Variants in MTA3 observed in about 807,000 individuals in gnomAD.
The protein encoded by MTA3 is metastasis-associated protein MTA3.
Under a neutral mutation model 83.5 loss-of-function variants are expected in MTA3, and 34 were observed. The ratio of observed to expected loss-of-function variants is 0.41; its 90% CI spans 0.31 to 0.54. The LOEUF (loss-of-function observed/expected upper bound fraction) is 0.54, where lower values mean the gene tolerates loss of function less well. Ranked by LOEUF, MTA3 falls within the 20% of genes least tolerant of loss-of-function variation. The pLI is 0.33. For synonymous variants in MTA3, 303 were observed against 252.7 expected (o/e 1.20, Z -1.89); for missense variants, 761 against 726.4 (o/e 1.05, Z -0.55).
At chr2:42,723,359 G>T in intron 16 of MTA3, 2 of 235,114 alleles carry the variant, frequency 8.5e-6, no homozygotes, top group Non-Finnish European at 1.7e-5. Flanking sequence ...GTTTTCTTGA[G>T]CAGAAGGGAT....
chr2:42,734,562 T>C (rs1668480734), intron 16 of MTA3, among the ~76,000 whole-genome samples: 1 of 151,652 alleles, frequency 6.6e-6, no homozygotes, highest in South Asian at 2.1e-4. Flanking sequence ...TTATTGTTGA[T>C]AAGTAATGAC....
At chr2:42,550,957 A>G (rs1677077822) in intron 2 of MTA3, among the ~76,000 whole-genome samples, 1 of 151,944 alleles carries the variant, frequency 6.6e-6, no homozygotes, top group Admixed American at 6.6e-5. Context: ...AGGCTGAGAC[A>G]GGAGAATAGC....
intron 5 of MTA3, among the ~76,000 whole-genome samples, chr2:42,641,454 T>C (rs1358989133): frequency 1.3e-5 from 2 of 152,158 alleles, no homozygotes; most frequent in Non-Finnish European, 2.9e-5. Context: ...CACAGAATGA[T>C]GGATTATAAT....
intron 16 of MTA3, among the ~76,000 whole-genome samples, chr2:42,738,832 G>C (rs999624792): frequency 6.6e-6 from 1 of 152,192 alleles, no homozygotes; most frequent in African/African-American, 2.4e-5. Flanking sequence ...TGAGACTGCA[G>C]GGGTGAAATA....
chr2:42,576,783 G>A (rs919599140), intron 2 of MTA3, among the ~76,000 whole-genome samples: 4 of 152,170 alleles, frequency 2.6e-5, no homozygotes, highest in African/African-American at 7.2e-5. Context: ...TGTAATCCCA[G>A]CTACTCGGGA....
chr2:42,642,169 A>G (rs756172184), intron 5 of MTA3, among the ~76,000 whole-genome samples: 2 of 152,112 alleles, frequency 1.3e-5, no homozygotes, highest in Non-Finnish European at 2.9e-5. Context: ...TACAACTTCT[A>G]TTATAAACCA....
chr2:42,735,209 G>A (rs953541561), intron 16 of MTA3, among the ~76,000 whole-genome samples: 9 of 152,212 alleles, frequency 5.9e-5, no homozygotes, highest in South Asian at 4.2e-4. Context: ...ACTCCTTCAT[G>A]CTTGAAGGAT....
chr2:42,536,564 G>C (rs1445564665), intron 2 of MTA3, among the ~76,000 whole-genome samples: 1 of 151,624 alleles, frequency 6.6e-6, no homozygotes, highest in Non-Finnish European at 1.5e-5. Context: ...GAGTGATTAG[G>C]AGTATATAGT....
upstream of MTA3, among the ~76,000 whole-genome samples, chr2:42,565,441 T>A (rs576999174): frequency 6.6e-6 from 1 of 152,080 alleles, no homozygotes; most frequent in Non-Finnish European, 1.5e-5. Flanking sequence ...ATGCTGGGAT[T>A]ACAGGCGTGA....
At chr2:42,574,296 G>C (rs916329131) in intron 2 of MTA3, among the ~76,000 whole-genome samples, 2 of 149,784 alleles carry the variant, frequency 1.3e-5, no homozygotes, top group Non-Finnish European at 3.0e-5. Flanking sequence ...CACCATGCCC[G>C]GCTAATTTTT....
At chr2:42,581,345 C>A in intron 3 of MTA3, among the ~76,000 whole-genome samples, 1 of 149,886 alleles carries the variant, frequency 6.7e-6, no homozygotes, top group Non-Finnish European at 1.5e-5. Context: ...AGTCACCATG[C>A]CTGGTCCCAA....
At chr2:42,548,128 C>T (rs1254504009) in intron 2 of MTA3, among the ~76,000 whole-genome samples, 1 of 152,144 alleles carries the variant, frequency 6.6e-6, no homozygotes, top group African/African-American at 2.4e-5. Context: ...CCCTCTTATC[C>T]GTGGTTTTGT....
chr2:42,556,678 G>T (rs1170605273), intron 2 of MTA3, among the ~76,000 whole-genome samples: 2 of 152,192 alleles, frequency 1.3e-5, no homozygotes, highest in Non-Finnish European at 2.9e-5. Context: ...CAGCCAGAAA[G>T]CCACTCCTGG....
At chr2:42,650,757 A>G (rs191276338) in intron 6 of MTA3, among the ~76,000 whole-genome samples, 6 of 152,334 alleles carry the variant, frequency 3.9e-5, no homozygotes, top group Admixed American at 3.3e-4. Flanking sequence ...TAGTACATAC[A>G]ACATTGTTTT....
At chr2:42,739,006 C>T (rs1413941647) in intron 16 of MTA3, among the ~76,000 whole-genome samples, 9 of 152,186 alleles carry the variant, frequency 5.9e-5, no homozygotes, top group Non-Finnish European at 1.3e-4. Context: ...TCGCCTGGGT[C>T]CTGTGGTCCT....
chr2:42,538,777 G>GT (rs10707947), intron 2 of MTA3, among the ~76,000 whole-genome samples: 6 of 133,734 alleles, frequency 4.5e-5, no homozygotes, highest in East Asian at 4.2e-4. Context: ...GTTTTTTTTT[G>GT]TTTTTTTTGA....
At chr2:42,656,445 G>T (rs1689179202) in intron 7 of MTA3, 143 bp downstream of exon 7, 2 of 424,760 alleles carry the variant, frequency 4.7e-6, no homozygotes, top group African/African-American at 4.1e-5. Context: ...AGCTTAATAC[G>T]TTATGCTGCT....
chr2:42,755,949 G>C lies in MTA3; in HGVS notation c.*2550G>C. ...AGAGGAGGGCCGACTGGAGGGTGTCGCCGGAAGGTTTCAGCCTGCCCTTCA... is the reference window on the plus strand; with the variant it reads ...AGAGGAGGGCCGACTGGAGGGTGTCCCCGGAAGGTTTCAGCCTGCCCTTCA... On this transcript the variant is annotated 3_prime_UTR_variant, in exon 17 of 17. Coordinates refer to ENST00000405094, the MANE Select transcript of MTA3 (RefSeq NM_001330442.2). The C allele has an allele frequency of 1.0e-6, 1 of 985,494 alleles. No individual in the cohort carries two copies. The highest frequency in any genetic ancestry group is 1.2e-6 in the Non-Finnish European group (1 of 830,000). 61.0% of individuals were successfully genotyped at this position (985,494 alleles called of 1,614,324 possible).
chr2:42,517,955 G>A (rs1421789171), intron 2 of MTA3, among the ~76,000 whole-genome samples: 1 of 151,894 alleles, frequency 6.6e-6, no homozygotes, highest in Non-Finnish European at 1.5e-5. Flanking sequence ...GGAGGCCAAA[G>A]TGGGCAGATC....
Sources: gnomAD v4.1 joint callset for allele counts (sites outside exome capture counted in the v4.1 genomes callset) on GRCh38, gnomAD v4.1.1 for gene constraint, MANE v1.5 for transcripts, NCBI Gene and HGNC (gene_info 2026-07-23, HGNC 2026-07-21) for gene names.